ADAMTS2: variants seen among roughly 807,000 people sequenced by gnomAD.
ADAMTS2 encodes the protein ADAM metallopeptidase with thrombospondin type 1 motif 2.
In ADAMTS2, 50 loss-of-function variants were observed where a neutral mutation model predicts 123.0. That is an observed-to-expected ratio of 0.41 (90% CI 0.32 to 0.51). ADAMTS2 has a LOEUF of 0.51. ADAMTS2 is among the 20% of genes least tolerant of loss of function. ADAMTS2 has a pLI of 0.35. For missense variants in ADAMTS2, 1,494 were observed against 1,705.2 expected (o/e 0.88, Z 2.18); for synonymous variants, 678 against 695.4 (o/e 0.98, Z 0.39).
At position 179,189,338 on chromosome 5, in the gene ADAMTS2, G is replaced by C. The variant is rs1015754660; in HGVS notation, c.892-8183C>G. ...TGGTATAGGTTTGGGATAGACGGTG[G>C]AGTTAGGAGCAATTTTTTTTTTTTT... On this transcript the variant is annotated intron_variant, in intron 4 of 21. Coordinates refer to ENST00000251582, the MANE Select transcript of ADAMTS2 (RefSeq NM_014244.5). This position sits in a 1 kb window ranked among gnomAD's most constrained non-coding sequence, Gnocchi z 4.2. Among the ~76,000 whole-genome samples the C allele has an allele frequency of 1.3e-5, 2 of 150,710 alleles. No individual in the cohort carries two copies. Among genetic ancestry groups the C allele is most frequent in the South Asian group, 2.1e-4 (1 of 4,786 alleles).
At chr5:179,205,757 G>GTTATTATTATTATTA (rs148528271) in intron 4 of ADAMTS2, among the ~76,000 whole-genome samples, 5,274 of 115,900 alleles carry the variant, frequency 0.046, 171 homozygotes, top group African/African-American at 0.092. Flanking sequence ...TGGTTTTATT[G>GTTATTATTATTATTA]TTATTATTAT....
intron 2 of ADAMTS2, among the ~76,000 whole-genome samples, chr5:179,315,509 G>A (rs565645133): frequency 2.0e-5 from 3 of 152,360 alleles, no homozygotes; most frequent in East Asian, 1.9e-4. Flanking sequence ...TCCCGCTCAC[G>A]AGGAGAAGCC....
chr5:179,126,791 T>C (rs897708598), intron 17 of ADAMTS2, among the ~76,000 whole-genome samples: 1 of 152,084 alleles, frequency 6.6e-6, no homozygotes, highest in African/African-American at 2.4e-5. Context: ...CTCCTCTGGG[T>C]GCCTGGAGGC....
chr5:179,216,916 G>A (rs1764996431), intron 3 of ADAMTS2, among the ~76,000 whole-genome samples: 1 of 152,254 alleles, frequency 6.6e-6, no homozygotes, highest in Admixed American at 6.5e-5. Flanking sequence ...GGATCATGAG[G>A]AAGAGCACCA....
chr5:179,292,463 T>C (rs1027072471), intron 2 of ADAMTS2, among the ~76,000 whole-genome samples: 3 of 152,020 alleles, frequency 2.0e-5, no homozygotes, highest in African/African-American at 7.2e-5. Flanking sequence ...GAGCAGACAG[T>C]GAGCAAATGT....
At position 179,207,685 on chromosome 5, in the gene ADAMTS2, C is replaced by T. The variant is rs1764736850; in HGVS notation, c.719G>A (p.Ser240Asn). Reference protein sequence around the residue: ...GASLDSLDSLSRALGVLEEHA... With the variant: ...GASLDSLDSLNRALGVLEEHA... ...CTCCTCTAGGACGCCCAGGGCGCGG[C>T]TGAGGCTGTCCAGGCTGTCCAGGGA... Residue 240 changes from serine to asparagine, a missense_variant, in exon 4 of 22, where the codon AGC becomes AAC. Physicochemically the swap from Ser to Asn is conservative, Grantham distance 46. Transcript: ENST00000251582. 6.2e-7 allele frequency: 1 copy of T among 1,612,778 alleles called. No homozygotes were observed. The highest frequency in any genetic ancestry group is 8.5e-7 in the Non-Finnish European group (1 of 1,179,990).
rs1260539127 is a variant in ADAMTS2, at chr5:179,185,771, TCCGCCAG to T, written c.892-4623_892-4617del. Among the ~76,000 whole-genome samples the T allele has an allele frequency of 6.6e-6, 1 of 151,894 alleles. No individual in the cohort carries two copies. The highest frequency in any genetic ancestry group is 1.5e-5 in the Non-Finnish European group (1 of 67,972). On this transcript the variant is annotated intron_variant, in intron 4 of 21. Transcript: ENST00000251582. This position sits in a 1 kb window ranked among gnomAD's most constrained non-coding sequence, Gnocchi z 5.9. ...GGCTGGGGAGCTCCACTGTGGGCTG[TCCGCCAG>T]CAGCCAGCTCCCACCTCCTGCGCTG...
At chr5:179,244,844 C>T (rs1424767056) in intron 3 of ADAMTS2, among the ~76,000 whole-genome samples, 2 of 152,090 alleles carry the variant, frequency 1.3e-5, no homozygotes, top group Non-Finnish European at 2.9e-5. Flanking sequence ...AACAGGAAGG[C>T]AAACTGTTGA....
chr5:179,238,147 TCA>T (rs1765572792), intron 3 of ADAMTS2, among the ~76,000 whole-genome samples: 3 of 152,236 alleles, frequency 2.0e-5, no homozygotes, highest in Admixed American at 2.0e-4. Flanking sequence ...CACTCTGGGC[TCA>T]CAGATATTCC....
chr5:179,277,319 A>C lies in ADAMTS2; in HGVS notation c.535-4255T>G, dbSNP rs1254587315. On this transcript the variant is annotated intron_variant, in intron 2 of 21. Coordinates refer to ENST00000251582, the MANE Select transcript of ADAMTS2 (RefSeq NM_014244.5). ...GCACCTGCCCCGAGACCAAAGGCTG[A>C]CACCCCGAGACCAAAGGCTGACCCC... Among the ~76,000 whole-genome samples, 15 of 62,630 alleles carry C rather than the reference A, an allele frequency of 2.4e-4. 1 individual carries two copies. Among genetic ancestry groups the C allele is most frequent in the African/African-American group, 3.6e-4 (3 of 8,358 alleles). The allele number at this position is 62,630 out of a possible 152,430, so 41.1% of individuals were successfully genotyped here.
chr5:179,241,137 A>C (rs187385106), intron 3 of ADAMTS2, among the ~76,000 whole-genome samples: 30 of 152,348 alleles, frequency 2.0e-4, no homozygotes, highest in Non-Finnish European at 3.4e-4. Flanking sequence ...CAAGACTACA[A>C]AGAAACTGAA....
chr5:179,123,792 C>T (rs947496404), intron 19 of ADAMTS2, among the ~76,000 whole-genome samples: 1 of 152,228 alleles, frequency 6.6e-6, no homozygotes, highest in Admixed American at 6.5e-5. Flanking sequence ...GAAGGCTCCA[C>T]CTATTAAGAG....
At chr5:179,121,572 G>T in intron 21 of ADAMTS2, 89 bp downstream of exon 21, 1 of 1,112,636 alleles carries the variant, frequency 9.0e-7, no homozygotes, top group Non-Finnish European at 1.3e-6. Flanking sequence ...GCTTTCCATA[G>T]ACAGAGAGGA....
intron 12 of ADAMTS2, among the ~76,000 whole-genome samples, chr5:179,137,428 A>C (rs1316888491): frequency 6.6e-6 from 1 of 152,262 alleles, no homozygotes; most frequent in Non-Finnish European, 1.5e-5. Flanking sequence ...TGGCAGGGTC[A>C]GCCCTGGCCT....
intron 4 of ADAMTS2, among the ~76,000 whole-genome samples, chr5:179,201,811 A>G (rs772012316): frequency 1.5e-4 from 23 of 152,058 alleles, no homozygotes; most frequent in Non-Finnish European, 2.2e-4. Context: ...CACAATAAAT[A>G]AATAAATAAA....
At chr5:179,156,499 A>G (rs1023852701) in intron 6 of ADAMTS2, among the ~76,000 whole-genome samples, 3 of 151,858 alleles carry the variant, frequency 2.0e-5, no homozygotes, top group African/African-American at 7.3e-5. Flanking sequence ...AGCTGGGACT[A>G]CAGGCACCCG....
chr5:179,233,220 G>A (rs1302798359), intron 3 of ADAMTS2, among the ~76,000 whole-genome samples: 1 of 152,212 alleles, frequency 6.6e-6, no homozygotes, highest in South Asian at 2.1e-4. Flanking sequence ...CTGTGTACAA[G>A]TGTGCAAAAC....
chr5:179,281,499 T>C (rs1041846491), intron 2 of ADAMTS2, among the ~76,000 whole-genome samples: 1 of 152,268 alleles, frequency 6.6e-6, no homozygotes, highest in Non-Finnish European at 1.5e-5. Flanking sequence ...GGTTCATCCA[T>C]GGTGTAGCAT....
chr5:179,341,047 C>T (rs968403550), intron 2 of ADAMTS2, among the ~76,000 whole-genome samples: 1 of 152,190 alleles, frequency 6.6e-6, no homozygotes, highest in Non-Finnish European at 1.5e-5. Flanking sequence ...AGTCACTCAA[C>T]CTCCCAGAGC....
Sources: gnomAD v4.1 joint callset for allele counts (sites outside exome capture counted in the v4.1 genomes callset) on GRCh38, gnomAD v4.1.1 for gene constraint, Gnocchi (gnomAD v3.1) non-coding constraint, MANE v1.5 for transcripts, NCBI Gene and HGNC (gene_info 2026-07-23, HGNC 2026-07-21) for gene names.